Variants in GBE1 observed in about 807,000 individuals in gnomAD.
The protein encoded by GBE1 is 1,4-alpha-glucan-branching enzyme.
In GBE1, 70 loss-of-function variants were observed where a neutral mutation model predicts 88.8. The ratio of observed to expected loss-of-function variants is 0.79; its 90% CI spans 0.65 to 0.96. The LOEUF is 0.96. GBE1 is among the 40% of genes least tolerant of loss of function. The pLI is 0.00. For missense variants in GBE1, 872 were observed against 871.0 expected (o/e 1.00, Z -0.01); for synonymous variants, 284 against 300.1 (o/e 0.95, Z 0.56).
intron 14 of GBE1, among the ~76,000 whole-genome samples, chr3:81,517,845 T>C (rs968120891): frequency 6.6e-6 from 1 of 151,356 alleles, no homozygotes; most frequent in Non-Finnish European, 1.5e-5. Flanking sequence ...GGTAGCTACA[T>C]ACTCCATTTA....
At chr3:81,578,687 A>T (rs1301475139) in intron 11 of GBE1, among the ~76,000 whole-genome samples, 1 of 151,992 alleles carries the variant, frequency 6.6e-6, no homozygotes, top group East Asian at 1.9e-4. Context: ...TTTACCTGAA[A>T]ATATAATAAT....
Position 81,506,300 on chromosome 3 carries a change from C to T in GBE1, c.1935-7073G>A, listed in dbSNP as rs371509798. Among the ~76,000 whole-genome samples, 9 of 152,056 alleles carry T rather than the reference C, an allele frequency of 5.9e-5. No homozygotes were observed. In the East Asian group the frequency reaches 1.2e-3, roughly 20 times the overall value. On this transcript the variant is annotated intron_variant, in intron 14 of 15. Coordinates refer to ENST00000429644, the MANE Select transcript of GBE1 (RefSeq NM_000158.4). ...GATATACAAGCAGCCAACAATCATA[C>T]GAAATAAAGCTCAACATCACTGATC... is the stretch of plus-strand genomic sequence containing the variant.
At chr3:81,679,337 C>T (rs1341180478) in intron 2 of GBE1, among the ~76,000 whole-genome samples, 1 of 152,160 alleles carries the variant, frequency 6.6e-6, no homozygotes, top group Non-Finnish European at 1.5e-5. Flanking sequence ...CATTCATACT[C>T]CAATCAGCTG....
chr3:81,501,321 T>G (rs1160609346), intron 14 of GBE1, among the ~76,000 whole-genome samples: 1 of 152,174 alleles, frequency 6.6e-6, no homozygotes, highest in African/African-American at 2.4e-5. Flanking sequence ...TCGGCATGGC[T>G]TCCCAATGTC....
intron 12 of GBE1, among the ~76,000 whole-genome samples, chr3:81,574,539 T>C (rs1237648719): frequency 1.3e-5 from 2 of 152,126 alleles, no homozygotes; most frequent in Non-Finnish European, 2.9e-5. Context: ...CTGTACCTTT[T>C]CTCTAAAAAG....
rs776273490 is a variant in GBE1 at position 81,717,629 on chromosome 3, T to C, written c.144-12016A>G. Among the ~76,000 whole-genome samples the C allele has an allele frequency of 1.6e-3, 247 of 152,324 alleles. 2 individuals are homozygous for C. The highest frequency in any genetic ancestry group is 1.0e-3 in the Non-Finnish European group (71 of 68,028). On this transcript the variant is annotated intron_variant, in intron 1 of 15. Transcript: ENST00000429644. ...AAGGTCCACACTCTAGACCCAACTCTAAGATACTAGCAATGTGACCTTTGG... is the reference window on the plus strand; with the variant it reads ...AAGGTCCACACTCTAGACCCAACTCCAAGATACTAGCAATGTGACCTTTGG...
chr3:81,654,565 C>T (rs908741756), intron 3 of GBE1: 3 of 152,070 alleles, frequency 2.0e-5, no homozygotes, highest in Admixed American at 1.3e-4. Flanking sequence ...TAACAGAAAA[C>T]GCACAGTTAT....
At chr3:81,711,694 T>C (rs1025257558) in intron 1 of GBE1, among the ~76,000 whole-genome samples, 1 of 152,082 alleles carries the variant, frequency 6.6e-6, no homozygotes, top group Admixed American at 6.6e-5. Context: ...CCTAAAACCA[T>C]AAAAACCCTA....
intron 3 of GBE1, among the ~76,000 whole-genome samples, chr3:81,664,142 G>A (rs1233012192): frequency 6.6e-6 from 1 of 152,048 alleles, no homozygotes; most frequent in Non-Finnish European, 1.5e-5. Context: ...GGAATGCTAG[G>A]GGCAGAGAGG....
intron 9 of GBE1, among the ~76,000 whole-genome samples, chr3:81,588,093 T>G (rs150829088): frequency 8.0e-6 from 1 of 125,560 alleles, no homozygotes; most frequent in Non-Finnish European, 1.6e-5. Flanking sequence ...AAGACTCAGG[T>G]CAAATGCTTC....
At chr3:81,603,963 G>A (rs1327608412) in intron 7 of GBE1, among the ~76,000 whole-genome samples, 1 of 151,996 alleles carries the variant, frequency 6.6e-6, no homozygotes, top group Non-Finnish European at 1.5e-5. Context: ...TGAAAAAAAT[G>A]ACATCCACAC....
intron 7 of GBE1, among the ~76,000 whole-genome samples, chr3:81,620,109 T>G (rs1704304289): frequency 6.6e-6 from 1 of 151,870 alleles, no homozygotes. Context: ...ATTAAATCAA[T>G]GACATAAAAC....
chr3:81,710,338 C>A (rs547385230), intron 1 of GBE1, among the ~76,000 whole-genome samples: 241 of 143,314 alleles, frequency 1.7e-3, no homozygotes, highest in African/African-American at 6.1e-3. Context: ...AGGTTCACGC[C>A]ATTCTCCTGC....
chr3:81,493,204 T>G (rs1559622892), intron 15 of GBE1, among the ~76,000 whole-genome samples: 1 of 152,178 alleles, frequency 6.6e-6, no homozygotes, highest in African/African-American at 2.4e-5. Context: ...AGAATTTCAG[T>G]TCCCTCTACA....
At chr3:81,633,148 T>C (rs556731255) in intron 7 of GBE1, among the ~76,000 whole-genome samples, 1 of 152,194 alleles carries the variant, frequency 6.6e-6, no homozygotes, top group African/African-American at 2.4e-5. Flanking sequence ...TATTACCTGT[T>C]TCAATGCTTG....
chr3:81,676,246 C>T (rs563772574), intron 2 of GBE1, among the ~76,000 whole-genome samples: 8 of 152,142 alleles, frequency 5.3e-5, no homozygotes, highest in African/African-American at 1.9e-4. Flanking sequence ...CTAGCCCCCA[C>T]AGTGTTCACA....
At chr3:81,548,444 A>G (rs781295466) in intron 12 of GBE1, among the ~76,000 whole-genome samples, 5 of 151,454 alleles carry the variant, frequency 3.3e-5, no homozygotes, top group Non-Finnish European at 7.4e-5. Flanking sequence ...TCTTTGGGCT[A>G]TATTTGTTTA....
chr3:81,614,370 T>C (rs1704220982), intron 7 of GBE1, among the ~76,000 whole-genome samples: 1 of 152,188 alleles, frequency 6.6e-6, no homozygotes, highest in African/African-American at 2.4e-5. Context: ...TAATTGGCAT[T>C]GATGTTCTAA....
At chr3:81,506,837 A>G (rs1702660996) in intron 14 of GBE1, among the ~76,000 whole-genome samples, 1 of 152,180 alleles carries the variant, frequency 6.6e-6, no homozygotes, top group African/African-American at 2.4e-5. Flanking sequence ...CAAATACTGC[A>G]TGTTCTCACT....
Sources: gnomAD v4.1 joint callset for allele counts (sites outside exome capture counted in the v4.1 genomes callset) on GRCh38, gnomAD v4.1.1 for gene constraint, MANE v1.5 for transcripts, NCBI Gene and HGNC (gene_info 2026-07-23, HGNC 2026-07-21) for gene names.